Variants in ATP13A3 observed in about 807,000 individuals in gnomAD.
ATP13A3 encodes polyamine-transporting ATPase 13A3.
In ATP13A3, 59 loss-of-function variants were observed where a neutral mutation model predicts 158.1. The ratio of observed to expected loss-of-function variants is 0.37; its 90% confidence interval spans 0.30 to 0.46. The LOEUF (loss-of-function observed/expected upper bound fraction) is 0.46, where lower values mean the gene tolerates loss of function less well. Among genes scored for constraint, ATP13A3 ranks in the 20% least tolerant of loss-of-function variants. The pLI is 1.00. For synonymous variants in ATP13A3, 491 were observed against 504.3 expected (o/e 0.97, Z 0.35); for missense variants, 1,166 against 1,525.2 (o/e 0.76, Z 3.92).
In ATP13A3 at chr3:194,404,046, A is replaced by G; in HGVS notation, c.*1873T>C. 2.3e-6 allele frequency: 1 copy of G among 438,150 alleles called. No individual in the cohort carries two copies. Among genetic ancestry groups the G allele is most frequent in the Non-Finnish European group, 4.5e-6 (1 of 221,474 alleles). 27.1% of individuals were successfully genotyped at this position (438,150 alleles called of 1,614,324 possible). On this transcript the variant is annotated 3_prime_UTR_variant, in exon 34 of 34. Transcript: ENST00000645319. ...TTATATGCTTCAGTACTTAAACCAA[A>G]GAATAAAATGCACAATTGTGGAAAT...
At chr3:194,465,023 T>C (rs1338192502) in intron 2 of ATP13A3, among the ~76,000 whole-genome samples, 1 of 152,152 alleles carries the variant, frequency 6.6e-6, no homozygotes, top group Non-Finnish European at 1.5e-5. Context: ...AGACTTCTGC[T>C]TCCAACCAAG....
intron 2 of ATP13A3, among the ~76,000 whole-genome samples, chr3:194,473,667 T>G (rs776014040): frequency 1.3e-5 from 2 of 152,144 alleles, no homozygotes; most frequent in Non-Finnish European, 2.9e-5. Context: ...TACACTTTGA[T>G]CCAACAATCC....
chr3:194,439,937 A>T (rs1311726374), intron 16 of ATP13A3, among the ~76,000 whole-genome samples: 2 of 152,236 alleles, frequency 1.3e-5, no homozygotes, highest in African/African-American at 4.8e-5. Context: ...TATTCTCTCT[A>T]TAAATGAAGT....
intron 2 of ATP13A3, 139 bp downstream of exon 2, chr3:194,485,655 G>C (rs969408246): frequency 6.6e-6 from 1 of 152,132 alleles, no homozygotes; most frequent in Non-Finnish European, 1.5e-5. Flanking sequence ...TACTCATTTA[G>C]TTAGAATCGT....
Position 194,460,697 on chromosome 3 carries a change from A to C in ATP13A3, c.186T>G (p.Ala62=), listed in dbSNP as rs751331060. ...EWRVKATCVR[A]AIKDCEVVLL... ...GCACTACTTCACAGTCTTTAATTGCAGCTCTGACACAGGTCGCTTTCACCC... is the reference window on the plus strand; with the variant it reads ...GCACTACTTCACAGTCTTTAATTGCCGCTCTGACACAGGTCGCTTTCACCC... The change falls in exon 4 of 34, where the codon GCT becomes GCG. Residue 62 remains alanine, a synonymous_variant. Coordinates refer to ENST00000645319, the MANE Select transcript of ATP13A3 (RefSeq NM_001367549.1). 6.2e-7 allele frequency: 1 copy of C among 1,614,040 alleles called. No homozygotes were observed. The highest frequency in any genetic ancestry group is 1.3e-5 in the African/African-American group (1 of 74,944).
chr3:194,406,133 AAAAC>A lies in ATP13A3; in HGVS notation c.3574-21_3574-18del. 1 of 1,611,864 alleles carries A rather than the reference AAAAC, an allele frequency of 6.2e-7. No individual in the cohort carries two copies. Among genetic ancestry groups the A allele is most frequent in the Non-Finnish European group, 8.5e-7 (1 of 1,178,558 alleles). ...CACTGACTCCTAAGAAAATAAGAAA[AAAAC>A]AAAACAAAACACCCCAGTTGATTAA... On this transcript the variant is annotated intron_variant, in intron 33 of 33. Coordinates refer to ENST00000645319, the MANE Select transcript of ATP13A3 (RefSeq NM_001367549.1).
intron 30 of ATP13A3, 163 bp from the exon 31 acceptor site, chr3:194,420,130 G>T: frequency 1.4e-6 from 1 of 694,754 alleles, no homozygotes; most frequent in Non-Finnish European, 2.0e-6. Flanking sequence ...TGGAGTATGA[G>T]ACATTGTTCG....
rs115245883 is a variant in ATP13A3 at position 194,436,521 on chromosome 3, T to C, written c.2120+574A>G. On this transcript the variant is annotated intron_variant, in intron 20 of 33. Coordinates refer to ENST00000645319, the MANE Select transcript of ATP13A3 (RefSeq NM_001367549.1). ...TTCTTGGAATGTGCCTGACACATAGTGGGCACATAATAATTAACAAATTGA... is the reference window on the plus strand; with the variant it reads ...TTCTTGGAATGTGCCTGACACATAGCGGGCACATAATAATTAACAAATTGA... Among the ~76,000 whole-genome samples the C allele has an allele frequency of 6.4e-3, 980 of 152,312 alleles. 11 individuals carry two copies. Among genetic ancestry groups the C allele is most frequent in the African/African-American group, 0.022 (926 of 41,558 alleles).
intron 2 of ATP13A3, among the ~76,000 whole-genome samples, chr3:194,474,341 G>A (rs1358400546): frequency 6.6e-6 from 1 of 152,036 alleles, no homozygotes; most frequent in Non-Finnish European, 1.5e-5. Flanking sequence ...CCCCCATAAA[G>A]ATGAGGTCTC....
At chr3:194,439,928 ATT>A (rs771729325) in intron 16 of ATP13A3, among the ~76,000 whole-genome samples, 11 of 152,332 alleles carry the variant, frequency 7.2e-5, no homozygotes, top group Non-Finnish European at 1.6e-4. Context: ...CATTTTTGTT[ATT>A]CTCTCTATAA....
chr3:194,418,190 T>A (rs1240868642), intron 31 of ATP13A3, among the ~76,000 whole-genome samples: 1 of 152,158 alleles, frequency 6.6e-6, no homozygotes, highest in Non-Finnish European at 1.5e-5. Flanking sequence ...TCAAAAGCTA[T>A]ACATAAAATT....
chr3:194,492,476 T>TTTA (rs1721157825), intron 2 of ATP13A3, among the ~76,000 whole-genome samples: 2 of 150,998 alleles, frequency 1.3e-5, no homozygotes, highest in African/African-American at 2.5e-5. Flanking sequence ...TTTTTTTTTT[T>TTTA]GAGACAGAGT....
At chr3:194,420,034 A>AT (rs1474958895) in intron 30 of ATP13A3, 67 bp from the exon 31 acceptor site, 2 of 1,423,010 alleles carry the variant, frequency 1.4e-6, no homozygotes, top group Non-Finnish European at 9.2e-7. Context: ...GGCATCCAAT[A>AT]ACAGCTGGTA....
chr3:194,465,010 T>C (rs1719904073), intron 2 of ATP13A3, among the ~76,000 whole-genome samples: 1 of 152,158 alleles, frequency 6.6e-6, no homozygotes, highest in African/African-American at 2.4e-5. Context: ...CATTCTCATA[T>C]GGAGACTTCT....
chr3:194,439,748 C>T (rs971458408), intron 16 of ATP13A3, among the ~76,000 whole-genome samples: 5 of 152,128 alleles, frequency 3.3e-5, no homozygotes, highest in African/African-American at 4.8e-5. Context: ...AACCATTTCA[C>T]GGATAAGTAA....
chr3:194,475,026 T>C (rs1483805687), intron 2 of ATP13A3, among the ~76,000 whole-genome samples: 1 of 151,890 alleles, frequency 6.6e-6, no homozygotes, highest in Non-Finnish European at 1.5e-5. Flanking sequence ...GATACTGAAA[T>C]AGCGCAGCAC....
chr3:194,488,366 G>C (rs1258435828), upstream of ATP13A3: 1 of 152,328 alleles, frequency 6.6e-6, no homozygotes, highest in Non-Finnish European at 1.5e-5. This position sits in a 1 kb window ranked among gnomAD's most constrained non-coding sequence, Gnocchi z 4.1. Flanking sequence ...CCTTTAAACA[G>C]GTTGGCCTCT....
chr3:194,426,965 G>T, intron 29 of ATP13A3, 110 bp downstream of exon 29: 1 of 1,179,370 alleles, frequency 8.5e-7, no homozygotes, highest in Non-Finnish European at 1.2e-6. Flanking sequence ...GACTACAGGT[G>T]TGAGCCACCG....
Position 194,433,889 on chromosome 3 carries a change from T to C in ATP13A3, c.2128A>G (p.Ile710Val), listed in dbSNP as rs890196335. Residue 710 changes from isoleucine (I) to valine (V), a missense_variant, in exon 21 of 34, where the codon ATT becomes GTT. By Grantham distance (29) the Ile-to-Val change is conservative. Transcript: ENST00000645319. ...HKVQNISRDAIENNMDFMGLI... is the reference protein window; with the variant it reads ...HKVQNISRDAVENNMDFMGLI... ...CCCATAAAATCCATGTTGTTCTCAA[T>C]TGCATCTCTGCAGAAAAAGAAGTTT... 2.2e-5 allele frequency: 35 copies of C among 1,613,614 alleles called. No homozygotes were observed. The highest frequency in any genetic ancestry group is 1.6e-4 in the Middle Eastern group (1 of 6,080).
Sources: allele counts gnomAD v4.1 joint callset (sites outside exome capture counted in the v4.1 genomes callset), GRCh38; gene constraint gnomAD v4.1.1; non-coding constraint Gnocchi (gnomAD v3.1); transcripts MANE v1.5; gene names NCBI Gene and HGNC (gene_info 2026-07-23, HGNC 2026-07-21).